The following TPRA1 variants were observed in gnomAD, a reference collection of about 807,000 sequenced individuals.
TPRA1 encodes transmembrane protein adipocyte associated 1.
TPRA1 carries 28 observed loss-of-function variants against 40.1 expected under a neutral mutation model. That is an observed-to-expected ratio of 0.70 (90% confidence interval 0.52 to 0.96). The LOEUF (loss-of-function observed/expected upper bound fraction) is 0.96, where lower values mean the gene tolerates loss of function less well. Ranked by LOEUF, TPRA1 falls within the 40% of genes least tolerant of loss-of-function variation. TPRA1 has a pLI of 0.00. For missense variants in TPRA1, 441 were observed against 482.6 expected, an observed-to-expected ratio of 0.91 and a Z score of 0.81; for synonymous variants, 219 against 209.7, an observed-to-expected ratio of 1.04 and a Z score of -0.38.
chr3:127,580,108 G>T lies in TPRA1; in HGVS notation c.39C>A (p.Ser13Arg), dbSNP rs774166307. The change falls in exon 2 of 11, where the codon AGC becomes AGA. Residue 13 changes from serine (S) to arginine (R), a missense_variant. By Grantham distance (110) the Ser-to-Arg change is moderately radical. Coordinates refer to ENST00000355552, the MANE Select transcript of TPRA1 (RefSeq NM_001136053.4). Reference protein sequence around the residue: ...TLEEVTWANGSTALPPPLAPN... With the variant: ...TLEEVTWANGRTALPPPLAPN... ...GTGCCAGGGGTGGGGGTAGCGCTGT[G>T]CTCCCATTGGCCCAAGTCACCTCCT... is the stretch of plus-strand genomic sequence containing the variant. 2 of 1,613,624 alleles carry T rather than the reference G, an allele frequency of 1.2e-6. No individual in the cohort carries two copies. The highest frequency in any genetic ancestry group is 1.7e-6 in the Non-Finnish European group (2 of 1,179,978).
At position 127,572,489 on chromosome 3, in the gene TPRA1, C is replaced by T. The variant is rs1186316795; in HGVS notation, c.*1032G>A. On this transcript the variant is annotated 3_prime_UTR_variant, in exon 11 of 11. Coordinates refer to ENST00000355552, the MANE Select transcript of TPRA1 (RefSeq NM_001136053.4). ...TCTCCCCTACTCATGCCTTATGATC[C>T]CAGTGCTTTGCTCTGATTTACTCCC... Among the ~76,000 whole-genome samples, 4 of 152,218 alleles carry T rather than the reference C, an allele frequency of 2.6e-5. No individual in the cohort carries two copies. The highest frequency in any genetic ancestry group is 5.9e-5 in the Non-Finnish European group (4 of 68,042).
In TPRA1 at chr3:127,573,715, G is replaced by A; in HGVS notation, c.928C>T (p.Gln310Ter). The change falls in exon 11 of 11, where the codon CAG (glutamine) becomes TAG (stop). Residue 310 changes from glutamine to a stop codon, truncating the protein, a stop_gained. Transcript: ENST00000355552. LOFTEE classifies it high-confidence loss of function. ...ETEEPDVHLP[Q>*]PYAVARREGL... The stretch of plus-strand genomic sequence containing the variant: ...TCCCGCCGGGCCACAGCGTAGGGCT[G>A]GGGTAGGTGTACATCTGGCTCCTCT... 6.2e-7 allele frequency: 1 copy of A among 1,612,128 alleles called. No homozygotes were observed. The highest frequency in any genetic ancestry group is 8.5e-7 in the Non-Finnish European group (1 of 1,178,678).
chr3:127,593,613 C>T (rs1189524882), upstream of TPRA1, among the ~76,000 whole-genome samples: 4 of 152,148 alleles, frequency 2.6e-5, no homozygotes, highest in Non-Finnish European at 5.9e-5. Flanking sequence ...CATCACACAC[C>T]AGAGAAAATG....
At position 127,576,506 on chromosome 3, in the gene TPRA1, G is replaced by A. The variant is rs2073632421; in HGVS notation, c.498+111C>T. Reference sequence around the variant, plus strand: ...CCCCATGTGATTTCTCAGGTGCAAAGTTTTGAGAACTCTGAAGGTGATAAA... The same window carrying A: ...CCCCATGTGATTTCTCAGGTGCAAAATTTTGAGAACTCTGAAGGTGATAAA... On this transcript the variant is annotated intron_variant, in intron 6 of 10. Coordinates refer to ENST00000355552, the MANE Select transcript of TPRA1 (RefSeq NM_001136053.4). The surrounding 1 kb of genome is among the most constrained non-coding windows in gnomAD (Gnocchi z 4.6). 9.2e-7 allele frequency: 1 copy of A among 1,091,038 alleles called. No homozygotes were observed. Among genetic ancestry groups the A allele is most frequent in the South Asian group, 1.6e-5 (1 of 62,426 alleles). 67.6% of individuals were successfully genotyped at this position (1,091,038 alleles called of 1,614,324 possible).
At position 127,576,835 on chromosome 3, in the gene TPRA1, A is replaced by G. The variant is rs1297620359; in HGVS notation, c.404T>C (p.Leu135Pro). ...LLAIELSVIILGLAFGHLESK... is the reference protein window; with the variant it reads ...LLAIELSVIIPGLAFGHLESK... ...GGTACACACACCAAAGGCCAGGCCC[A>G]GGATGATCACACTCAGCTCGATGGC... Residue 135 changes from leucine to proline, a missense_variant, in exon 5 of 11, where the codon CTG becomes CCG. Physicochemically the swap from Leu to Pro is moderately conservative, Grantham distance 98. Transcript: ENST00000355552. The surrounding 1 kb of genome is among the most constrained non-coding windows in gnomAD (Gnocchi z 4.6). 3 of 1,613,732 alleles carry G rather than the reference A, an allele frequency of 1.9e-6. No individual in the cohort carries two copies. Among genetic ancestry groups the G allele is most frequent in the Non-Finnish European group, 2.5e-6 (3 of 1,180,018 alleles).
At chr3:127,592,484 C>T (rs1345545370), upstream of TPRA1, among the ~76,000 whole-genome samples, 2 of 145,148 alleles carry the variant, frequency 1.4e-5, no homozygotes, top group Admixed American at 7.3e-5. Flanking sequence ...TTCCCGGGTT[C>T]ACGCCATTCT....
intron 3 of TPRA1, among the ~76,000 whole-genome samples, chr3:127,578,928 T>C (rs1457375563): frequency 6.6e-6 from 1 of 151,924 alleles, no homozygotes; most frequent in Non-Finnish European, 1.5e-5. Flanking sequence ...GGAAGGCAGC[T>C]GGACAGCCCA....
chr3:127,589,196 G>C (rs2074091961), intron 1 of TPRA1, among the ~76,000 whole-genome samples: 1 of 152,086 alleles, frequency 6.6e-6, no homozygotes, highest in Non-Finnish European at 1.5e-5. Flanking sequence ...CAGGATGCTG[G>C]CTAGGCTCAG....
rs758654417 is a variant in TPRA1, at chr3:127,580,103, G to A, written c.44C>T (p.Ala15Val). The stretch of plus-strand genomic sequence containing the variant: ...GTTTGGTGCCAGGGGTGGGGGTAGC[G>A]CTGTGCTCCCATTGGCCCAAGTCAC... ...EEVTWANGST[A>V]LPPPLAPNIS... The change falls in exon 2 of 11, where the codon GCG becomes GTG. Residue 15 changes from alanine to valine, a missense_variant. Physicochemically the swap from Ala to Val is moderately conservative, Grantham distance 64 (BLOSUM62 0). Transcript: ENST00000355552. The A allele has an allele frequency of 7.9e-5, 127 of 1,613,576 alleles. No homozygotes were observed. The highest frequency in any genetic ancestry group is 9.5e-5 in the Non-Finnish European group (112 of 1,180,006).
rs567893941 is a variant in TPRA1 at position 127,578,909 on chromosome 3, C to T, written c.258+831G>A. Among the ~76,000 whole-genome samples the T allele has an allele frequency of 6.6e-5, 10 of 152,240 alleles. No homozygotes were observed. The South Asian group carries it at 1.5e-3, about 22-fold the overall frequency. On this transcript the variant is annotated intron_variant, in intron 3 of 10. Transcript: ENST00000355552. ...GCAGGCCCTGCAGACAGGGGAAGGG[C>T]GCCCTGAAGGAAGGCAGCTGGACAG...
chr3:127,575,104 G>A, intron 10 of TPRA1, 81 bp downstream of exon 10: 2 of 1,490,748 alleles, frequency 1.3e-6, no homozygotes, highest in Non-Finnish European at 1.9e-6. Context: ...CAGCCTCTCA[G>A]CTTCAATCCT....
chr3:127,589,550 A>C (rs2074103946), intron 1 of TPRA1, among the ~76,000 whole-genome samples: 1 of 152,174 alleles, frequency 6.6e-6, no homozygotes, highest in South Asian at 2.1e-4. Context: ...CCCTGTCCTA[A>C]GCCGGAGACC....
chr3:127,589,425 G>A (rs1291347238), intron 1 of TPRA1, among the ~76,000 whole-genome samples: 6 of 152,168 alleles, frequency 3.9e-5, no homozygotes, highest in Non-Finnish European at 7.4e-5. Flanking sequence ...AGGGTGGTGA[G>A]AAGGGGTGGA....
At chr3:127,580,222 CT>C (rs2073789371) in intron 1 of TPRA1, 59 bp from the exon 2 acceptor site, 1 of 1,552,210 alleles carries the variant, frequency 6.4e-7, no homozygotes, top group Non-Finnish European at 8.7e-7. Context: ...CCTCCTTCCC[CT>C]GGACCTGGGA....
In TPRA1 at chr3:127,576,021, G is replaced by C; in HGVS notation, c.528C>G (p.Ala176=). The change falls in exon 7 of 11, where the codon GCC becomes GCG. Residue 176 remains alanine, a synonymous_variant. Coordinates refer to ENST00000355552, the MANE Select transcript of TPRA1 (RefSeq NM_001136053.4). The surrounding 1 kb of genome is among the most constrained non-coding windows in gnomAD (Gnocchi z 4.6). ...QGTLEILYPD[A]HLSAEDFNIY... ...TATTAAAGTCCTCAGCTGAGAGATG[G>C]GCATCAGGGTACAGGATCTCCAGGG... 1 of 1,614,018 alleles carries C rather than the reference G, an allele frequency of 6.2e-7. No individual in the cohort carries two copies. Among genetic ancestry groups the C allele is most frequent in the Non-Finnish European group, 8.5e-7 (1 of 1,180,008 alleles).
At chr3:127,580,186 G>A (rs369483176) in intron 1 of TPRA1, 23 bp from the exon 2 acceptor site, 2 of 1,600,872 alleles carry the variant, frequency 1.2e-6, no homozygotes, top group Non-Finnish European at 1.7e-6. Context: ...GAGCCGCCCA[G>A]TGAGCTGTGT....
intron 1 of TPRA1, among the ~76,000 whole-genome samples, chr3:127,596,663 C>G (rs1480604880): frequency 6.6e-6 from 1 of 152,200 alleles, no homozygotes; most frequent in Non-Finnish European, 1.5e-5. Context: ...GTCCCCTCGG[C>G]CCAAATTCAG....
At chr3:127,585,035 G>A (rs1043330237) in intron 1 of TPRA1, among the ~76,000 whole-genome samples, 19 of 152,218 alleles carry the variant, frequency 1.2e-4, no homozygotes, top group Admixed American at 7.8e-4. Flanking sequence ...TGAGGCCTCC[G>A]TGCATGTACT....
At chr3:127,596,812 A>G (rs1325359623) in intron 1 of TPRA1, among the ~76,000 whole-genome samples, 2 of 151,988 alleles carry the variant, frequency 1.3e-5, no homozygotes, top group Non-Finnish European at 2.9e-5. Context: ...CTCAATCACC[A>G]ACACCTATAG....
Sources: allele counts gnomAD v4.1 joint callset (sites outside exome capture counted in the v4.1 genomes callset), GRCh38; gene constraint gnomAD v4.1.1; non-coding constraint Gnocchi (gnomAD v3.1); transcripts MANE v1.5; gene names NCBI Gene and HGNC (gene_info 2026-07-23, HGNC 2026-07-21).